DTNA: variants seen among roughly 807,000 people sequenced by gnomAD.
DTNA encodes dystrophin-related protein 3.
DTNA carries 43 observed loss-of-function variants against 100.7 expected under a neutral mutation model. The observed-to-expected ratio is 0.43, with a 90% confidence interval of 0.33 to 0.55. DTNA has a LOEUF of 0.55. Among genes scored for constraint, DTNA ranks in the 20% least tolerant of loss-of-function variants. DTNA has a pLI of 0.04. For synonymous variants in DTNA, 349 were observed against 347.9 expected (o/e 1.00, Z -0.04); for missense variants, 798 against 953.9 (o/e 0.84, Z 2.15).
chr18:34,606,928 C>T (rs1401221165), intron 1 of DTNA, among the ~76,000 whole-genome samples: 2 of 152,118 alleles, frequency 1.3e-5, no homozygotes, highest in African/African-American at 2.4e-5. Context: ...GGGGTTTGGT[C>T]TCTATTCCTT....
chr18:34,606,208 T>TA lies in DTNA; in HGVS notation c.-2+112695dup, dbSNP rs200025647. ...GACAACGGGAGGGCTCTATTTTTTT[T>TA]ACCTATTTCTTTAGAAATCTACTTG... On this transcript the variant is annotated intron_variant, in intron 1 of 19. Transcript: ENST00000283365. Among the ~76,000 whole-genome samples, 1,262 of 152,300 alleles carry TA rather than the reference T, an allele frequency of 8.3e-3. 20 individuals carry two copies. Among genetic ancestry groups the TA allele is most frequent in the African/African-American group, 0.028 (1,176 of 41,574 alleles).
At chr18:34,676,659 A>C (rs556105943) in intron 1 of DTNA, among the ~76,000 whole-genome samples, 25 of 152,204 alleles carry the variant, frequency 1.6e-4, no homozygotes, top group South Asian at 4.1e-4. Flanking sequence ...ACATAGCAAA[A>C]TCTCATCTCT....
intron 1 of DTNA, among the ~76,000 whole-genome samples, chr18:34,661,091 T>C (rs117682790): frequency 0.012 from 1,786 of 152,352 alleles, 20 homozygotes; most frequent in South Asian, 0.021. Context: ...TATCATTTAT[T>C]AGCTCTGTAT....
chr18:34,607,184 C>T (rs541486558), intron 1 of DTNA, among the ~76,000 whole-genome samples: 40 of 152,290 alleles, frequency 2.6e-4, no homozygotes, highest in Middle Eastern at 3.4e-3. Context: ...GCTCTCATCC[C>T]TTGAAATACT....
chr18:34,680,341 T>G (rs2077931343), intron 1 of DTNA, among the ~76,000 whole-genome samples: 1 of 152,204 alleles, frequency 6.6e-6, no homozygotes, highest in South Asian at 2.1e-4. Flanking sequence ...CATTGCCATT[T>G]TTCAGCAGAA....
chr18:34,730,656 G>A (rs552649066), intron 1 of DTNA, among the ~76,000 whole-genome samples: 1 of 152,288 alleles, frequency 6.6e-6, no homozygotes, highest in Non-Finnish European at 1.5e-5. Flanking sequence ...GCCCCTTGAG[G>A]GCTCACATAA....
intron 11 of DTNA, 97 bp downstream of exon 11, chr18:34,829,586 G>T: frequency 7.9e-7 from 1 of 1,262,142 alleles, no homozygotes; most frequent in Non-Finnish European, 1.1e-6. Context: ...CTCATAGTAC[G>T]TCTTATTGGA....
At chr18:34,825,663 T>A (rs2095843895) in intron 9 of DTNA, among the ~76,000 whole-genome samples, 1 of 152,336 alleles carries the variant, frequency 6.6e-6, no homozygotes. Context: ...ATTTCAGTGG[T>A]AGACCTTAAA....
At chr18:34,552,746 A>G (rs1213731281) in intron 1 of DTNA, among the ~76,000 whole-genome samples, 1 of 151,156 alleles carries the variant, frequency 6.6e-6, no homozygotes, top group Admixed American at 6.6e-5. Context: ...CATGGTGTAT[A>G]TGTGCCACAT....
At chr18:34,572,079 CAA>C (rs1292865829) in intron 1 of DTNA, among the ~76,000 whole-genome samples, 1 of 152,050 alleles carries the variant, frequency 6.6e-6, no homozygotes, top group Non-Finnish European at 1.5e-5. Context: ...TGTAAAAAAT[CAA>C]GAGAGACTGG....
At chr18:34,823,044 A>AT (rs1391329436) in intron 9 of DTNA, among the ~76,000 whole-genome samples, 7 of 151,998 alleles carry the variant, frequency 4.6e-5, no homozygotes, top group South Asian at 2.1e-4. Flanking sequence ...TTAGAAAAGA[A>AT]TTTTTTTTCT....
chr18:34,834,283 G>C (rs1268044566), intron 11 of DTNA, among the ~76,000 whole-genome samples: 1 of 151,874 alleles, frequency 6.6e-6, no homozygotes, highest in African/African-American at 2.4e-5. Flanking sequence ...ATCGCCTGAG[G>C]TCAGGAGTTT....
At chr18:34,679,904 A>G (rs965309214) in intron 1 of DTNA, among the ~76,000 whole-genome samples, 2 of 152,182 alleles carry the variant, frequency 1.3e-5, no homozygotes, top group African/African-American at 4.8e-5. Flanking sequence ...AGCAAATGCC[A>G]TAATACTTCA....
chr18:34,571,073 G>A (rs2146419218), intron 1 of DTNA, among the ~76,000 whole-genome samples: 1 of 152,226 alleles, frequency 6.6e-6, no homozygotes, highest in East Asian at 1.9e-4. Context: ...GGACACTGAG[G>A]TTCGGTTAAG....
At chr18:34,735,381 C>T (rs1891535733) in intron 1 of DTNA, among the ~76,000 whole-genome samples, 1 of 152,172 alleles carries the variant, frequency 6.6e-6, no homozygotes, top group Admixed American at 6.5e-5. Flanking sequence ...ATCCTTCAAT[C>T]CAATCAAGTT....
At chr18:34,820,657 A>G in intron 8 of DTNA, 134 bp from the exon 9 acceptor site, 2 of 1,430,388 alleles carry the variant, frequency 1.4e-6, no homozygotes, top group Non-Finnish European at 1.9e-6. Context: ...CATTGAGCAA[A>G]CTTCCAGACT....
intron 1 of DTNA, among the ~76,000 whole-genome samples, chr18:34,649,564 G>A (rs57948752): frequency 0.075 from 11,374 of 152,170 alleles, 1,299 homozygotes; most frequent in African/African-American, 0.25. Context: ...TGAGCTACAA[G>A]TTGTTGGATT....
At chr18:34,527,713 G>T (rs1174972870) in intron 1 of DTNA, among the ~76,000 whole-genome samples, 2 of 152,114 alleles carry the variant, frequency 1.3e-5, no homozygotes, top group African/African-American at 4.8e-5. Flanking sequence ...GTGGAGGCAA[G>T]TGCCTAGTTC....
intron 3 of DTNA, among the ~76,000 whole-genome samples, chr18:34,777,196 G>C (rs1399932058): frequency 6.6e-6 from 1 of 152,096 alleles, no homozygotes; most frequent in Non-Finnish European, 1.5e-5. Flanking sequence ...AGGCTTCTTT[G>C]GGCAAAGATC....
Sources: allele counts gnomAD v4.1 joint callset (sites outside exome capture counted in the v4.1 genomes callset), GRCh38; gene constraint gnomAD v4.1.1; transcripts MANE v1.5; gene names NCBI Gene and HGNC (gene_info 2026-07-23, HGNC 2026-07-21).